SGF29: variants seen among roughly 807,000 people sequenced by gnomAD.
The protein encoded by SGF29 is SAGA complex associated factor 29, also known as SAGA-associated factor 29.
A neutral mutation model predicts 38.1 loss-of-function variants in SGF29; 15 were observed. That is an observed-to-expected ratio of 0.39 (90% CI 0.26 to 0.61). The LOEUF (loss-of-function observed/expected upper bound fraction) is 0.61. Ranked by LOEUF, SGF29 falls within the 20% of genes least tolerant of loss-of-function variation. The probability of loss-of-function intolerance (pLI) is 0.49; values close to 1 mark genes in which losing one functional copy is unlikely to be tolerated. For synonymous variants in SGF29, 151 were observed against 160.8 expected, an observed-to-expected ratio of 0.94 and a Z score of 0.46; for missense variants, 184 against 394.6, an observed-to-expected ratio of 0.47 and a Z score of 4.52.
chr16:28,564,752 T>TATAC (rs2046824268), intron 1 of SGF29, among the ~76,000 whole-genome samples: 5 of 74,542 alleles, frequency 6.7e-5, no homozygotes, highest in Non-Finnish European at 1.1e-4. Context: ...TATGTATATA[T>TATAC]ATGTATATAT....
At chr16:28,568,823 G>A (rs1374930472) in intron 1 of SGF29, among the ~76,000 whole-genome samples, 1 of 152,120 alleles carries the variant, frequency 6.6e-6, no homozygotes, top group Non-Finnish European at 1.5e-5. Flanking sequence ...TGAGGCAGGA[G>A]AATCGCTTGA....
In SGF29 at chr16:28,581,017, A is replaced by T. The variant is rs776409607; in HGVS notation, c.-15-38A>T. 9 of 1,465,792 alleles carry T rather than the reference A, an allele frequency of 6.1e-6. No individual in the cohort carries two copies. In the Admixed American group the frequency reaches 7.0e-5, roughly 11 times the overall value. 90.8% of individuals were successfully genotyped at this position (1,465,792 alleles called of 1,614,324 possible). On this transcript the variant is annotated intron_variant, in intron 1 of 9. Transcript: ENST00000317058. ...GGGCACAGTTCAGCCCACAGCAGCC[A>T]CTAACAGAGTTCTCTTCTGTCCTCG... is the stretch of plus-strand genomic sequence containing the variant.
chr16:28,554,350 G>A lies in SGF29; in HGVS notation c.-16+253G>A, dbSNP rs138252229. On this transcript the variant is annotated intron_variant, in intron 1 of 9. Transcript: ENST00000317058. ...GCGCTTGCGTGCTTCCATCCCCGGC[G>A]AGGGTGGGAAACAGCGACACGCTGG... Among the ~76,000 whole-genome samples, 697 of 152,164 alleles carry A rather than the reference G, an allele frequency of 4.6e-3. 6 individuals are homozygous for A. The highest frequency in any genetic ancestry group is 0.016 in the African/African-American group (672 of 41,504).
In SGF29 at chr16:28,581,056, T is replaced by C. The variant is rs780038898; in HGVS notation, c.-14T>C. ...CTTCTGTCCTCGCTCCCCCACCAGGTGCCCCTGTAGACAATGGCCCTCGTG... is the reference window on the plus strand; with the variant it reads ...CTTCTGTCCTCGCTCCCCCACCAGGCGCCCCTGTAGACAATGGCCCTCGTG... On this transcript the variant is annotated splice_region_variant and 5_prime_UTR_variant, in exon 2 of 10. Transcript: ENST00000317058. 1.9e-5 allele frequency: 30 copies of C among 1,612,474 alleles called. No homozygotes were observed. Among genetic ancestry groups the C allele is most frequent in the Non-Finnish European group, 2.4e-5 (28 of 1,178,970 alleles).
intron 1 of SGF29, among the ~76,000 whole-genome samples, chr16:28,559,587 G>C (rs904947162): frequency 8.5e-5 from 13 of 152,086 alleles, no homozygotes; most frequent in Non-Finnish European, 1.5e-4. Context: ...TGTTGGCCAG[G>C]CTGGTCTCGA....
At chr16:28,576,879 G>A (rs992705214) in intron 1 of SGF29, among the ~76,000 whole-genome samples, 2 of 152,068 alleles carry the variant, frequency 1.3e-5, no homozygotes, top group African/African-American at 4.8e-5. Flanking sequence ...CACAGGCCTG[G>A]CATGGTGGCT....
At chr16:28,569,923 G>A (rs570650098) in intron 1 of SGF29, among the ~76,000 whole-genome samples, 1 of 152,170 alleles carries the variant, frequency 6.6e-6, no homozygotes, top group Non-Finnish European at 1.5e-5. Context: ...TCCACATGGC[G>A]CTGTCTTTGC....
chr16:28,574,207 G>A (rs1156278784), intron 1 of SGF29, among the ~76,000 whole-genome samples: 1 of 152,216 alleles, frequency 6.6e-6, no homozygotes, highest in Admixed American at 6.5e-5. Context: ...ACTTGAAGGA[G>A]ACCCACGTGG....
chr16:28,584,643 A>G (rs1190972887), intron 2 of SGF29, among the ~76,000 whole-genome samples: 4 of 151,988 alleles, frequency 2.6e-5, no homozygotes, highest in Non-Finnish European at 5.9e-5. Flanking sequence ...CAAAAAATTA[A>G]CCAGGCGTGG....
Position 28,590,056 on chromosome 16 carries a change from A to C in SGF29, c.290-40A>C, listed in dbSNP as rs1202400073. 1.9e-6 allele frequency: 3 copies of C among 1,593,754 alleles called. No individual in the cohort carries two copies. The highest frequency in any genetic ancestry group is 1.3e-5 in the African/African-American group (1 of 74,676). On this transcript the variant is annotated intron_variant, in intron 5 of 9. Coordinates refer to ENST00000317058, the MANE Select transcript of SGF29 (RefSeq NM_138414.3). This position sits in a 1 kb window ranked among gnomAD's most constrained non-coding sequence, Gnocchi z 8.2. Reference sequence around the variant, plus strand: ...AGCATGCTCGGGGGTCAAGGCCGGCACCTATCCCTGGGGCCTCAGGCCTCC... The same window carrying C: ...AGCATGCTCGGGGGTCAAGGCCGGCCCCTATCCCTGGGGCCTCAGGCCTCC...
chr16:28,576,103 G>A (rs908755298), intron 1 of SGF29, among the ~76,000 whole-genome samples: 3 of 152,168 alleles, frequency 2.0e-5, no homozygotes, highest in Admixed American at 6.5e-5. Flanking sequence ...CAGCTCCTCA[G>A]AAGGTTAAAC....
chr16:28,588,770 C>T (rs62034359), intron 4 of SGF29: 109,100 of 348,184 alleles, frequency 0.31, 18,885 homozygotes, highest in Non-Finnish European at 0.37. Flanking sequence ...GGGGTTTCAC[C>T]ATATTGGTCA....
At chr16:28,574,155 G>C (rs929823664) in intron 1 of SGF29, among the ~76,000 whole-genome samples, 6 of 152,208 alleles carry the variant, frequency 3.9e-5, no homozygotes, top group African/African-American at 1.4e-4. Context: ...AGGAGTGGAA[G>C]TTCATTAAGA....
intron 2 of SGF29, among the ~76,000 whole-genome samples, chr16:28,583,617 A>G (rs1458590074): frequency 6.6e-6 from 1 of 152,270 alleles, no homozygotes; most frequent in Non-Finnish European, 1.5e-5. Flanking sequence ...CAGCATCTGC[A>G]GTTGCAGCTC....
At chr16:28,557,101 T>G (rs1042720717) in intron 1 of SGF29, among the ~76,000 whole-genome samples, 1 of 152,176 alleles carries the variant, frequency 6.6e-6, no homozygotes, top group Non-Finnish European at 1.5e-5. Flanking sequence ...ATATTTGGAT[T>G]TGTTTATTTG....
chr16:28,584,110 C>T (rs1282239155), intron 2 of SGF29, among the ~76,000 whole-genome samples: 3 of 151,802 alleles, frequency 2.0e-5, no homozygotes, highest in Admixed American at 2.0e-4. Flanking sequence ...GCAACCTCAG[C>T]CTCCCGAGTA....
intron 9 of SGF29, among the ~76,000 whole-genome samples, chr16:28,591,138 C>T (rs752600511): frequency 5.3e-5 from 8 of 152,134 alleles, no homozygotes; most frequent in South Asian, 2.1e-4. Context: ...TGGCAAGCCC[C>T]GAGTCAGTGG....
intron 2 of SGF29, among the ~76,000 whole-genome samples, chr16:28,582,796 G>T (rs577092720): frequency 6.6e-6 from 1 of 152,090 alleles, no homozygotes; most frequent in Non-Finnish European, 1.5e-5. Flanking sequence ...TTAGCCGGGC[G>T]TGGTGGTACA....
chr16:28,559,629 G>A (rs2046773601), intron 1 of SGF29, among the ~76,000 whole-genome samples: 2 of 152,082 alleles, frequency 1.3e-5, no homozygotes, highest in Non-Finnish European at 2.9e-5. Context: ...GCCCACCTTG[G>A]CCTCCAAAAG....
Sources: gnomAD v4.1 joint callset for allele counts (sites outside exome capture counted in the v4.1 genomes callset) on GRCh38, gnomAD v4.1.1 for gene constraint, Gnocchi (gnomAD v3.1) non-coding constraint, MANE v1.5 for transcripts, NCBI Gene and HGNC (gene_info 2026-07-23, HGNC 2026-07-21) for gene names.